THSD4: variants seen among roughly 807,000 people sequenced by gnomAD.
The protein encoded by THSD4 is thrombospondin type 1 domain containing 4.
A neutral mutation model predicts 119.0 loss-of-function variants in THSD4; 69 were observed. That is an observed-to-expected ratio of 0.58 (90% CI 0.48 to 0.71). The LOEUF is 0.71. Ranked by LOEUF, THSD4 falls within the 30% of genes least tolerant of loss-of-function variation. The pLI, the probability that THSD4 is intolerant of heterozygous loss-of-function variation, is 0.00. For missense variants in THSD4, 1,393 were observed against 1,391.1 expected (o/e 1.00, Z -0.02); for synonymous variants, 524 against 540.4 (o/e 0.97, Z 0.42).
intron 7 of THSD4, among the ~76,000 whole-genome samples, chr15:71,651,863 G>T (rs896787395): frequency 1.3e-5 from 2 of 152,162 alleles, no homozygotes; most frequent in African/African-American, 4.8e-5. Flanking sequence ...CTCTTGCAAA[G>T]GCTTAGAGGT....
chr15:71,338,394 G>A lies in THSD4; in HGVS notation c.1016-73293G>A, dbSNP rs553711577. Among the ~76,000 whole-genome samples, 6 of 152,130 alleles carry A rather than the reference G, an allele frequency of 3.9e-5. No homozygotes were observed. In the East Asian group the frequency reaches 9.7e-4, roughly 25 times the overall value. Reference sequence around the variant, plus strand: ...TTGGACCGGAGTCTGAACACTTATAGATATCAGGGAGGTTCACATTGCTCC... The same window carrying A: ...TTGGACCGGAGTCTGAACACTTATAAATATCAGGGAGGTTCACATTGCTCC... On this transcript the variant is annotated intron_variant, in intron 6 of 17. Transcript: ENST00000261862.
intron 7 of THSD4, among the ~76,000 whole-genome samples, chr15:71,544,916 C>T (rs968317763): frequency 6.6e-6 from 1 of 152,172 alleles, no homozygotes; most frequent in Non-Finnish European, 1.5e-5. Context: ...AGGACAAATA[C>T]TGTAGTGTAT....
At chr15:71,407,595 C>CG (rs1395366887) in intron 6 of THSD4, among the ~76,000 whole-genome samples, 1 of 14,748 alleles carries the variant, frequency 6.8e-5, no homozygotes, top group Non-Finnish European at 1.8e-4. Flanking sequence ...TAGTCACCAG[C>CG]ATTTTTTTTT....
intron 6 of THSD4, among the ~76,000 whole-genome samples, chr15:71,271,231 C>A (rs1474783757): frequency 6.6e-6 from 1 of 152,112 alleles, no homozygotes; most frequent in Non-Finnish European, 1.5e-5. Context: ...AAATATCCAT[C>A]AACAGGAGAC....
At chr15:71,272,396 CAAAAAAAAAAA>C (rs61293620) in intron 6 of THSD4, among the ~76,000 whole-genome samples, 2 of 55,584 alleles carry the variant, frequency 3.6e-5, no homozygotes, top group East Asian at 1.4e-3. Flanking sequence ...GACTCTGTCT[CAAAAAAAAAAA>C]AAAAAAAAAA....
At chr15:71,414,220 A>G (rs1380312980) in intron 7 of THSD4, among the ~76,000 whole-genome samples, 4 of 152,270 alleles carry the variant, frequency 2.6e-5, no homozygotes, top group African/African-American at 4.8e-5. Context: ...TCATGACCGT[A>G]TAACAGGGTT....
At chr15:71,747,966 T>G (rs988524185) in intron 13 of THSD4, among the ~76,000 whole-genome samples, 2 of 152,188 alleles carry the variant, frequency 1.3e-5, no homozygotes, top group South Asian at 4.1e-4. Context: ...TGCCATGGCG[T>G]TGGGTCCTGT....
At chr15:71,203,588 C>T (rs2043820232) in intron 3 of THSD4, among the ~76,000 whole-genome samples, 1 of 152,110 alleles carries the variant, frequency 6.6e-6, no homozygotes, top group Admixed American at 6.5e-5. Flanking sequence ...GAACCTTGAA[C>T]TCAGGAGTCA....
chr15:71,695,327 G>A (rs942502278), intron 8 of THSD4, among the ~76,000 whole-genome samples: 1 of 151,920 alleles, frequency 6.6e-6, no homozygotes, highest in Non-Finnish European at 1.5e-5. Context: ...TCCTTTTATT[G>A]TATGTGTATG....
chr15:71,421,320 C>A, intron 7 of THSD4, among the ~76,000 whole-genome samples: 1 of 95,040 alleles, frequency 1.1e-5, no homozygotes. Flanking sequence ...TAGTCTCTTT[C>A]TACTCCCTTT....
At chr15:71,293,300 T>G (rs973421771) in intron 6 of THSD4, among the ~76,000 whole-genome samples, 4 of 152,156 alleles carry the variant, frequency 2.6e-5, no homozygotes, top group African/African-American at 4.8e-5. Flanking sequence ...TCTCAGGTGG[T>G]TGGTTTTCTC....
At chr15:71,406,063 C>G (rs1009737935) in intron 6 of THSD4, among the ~76,000 whole-genome samples, 3 of 151,772 alleles carry the variant, frequency 2.0e-5, no homozygotes, top group Admixed American at 2.0e-4. Flanking sequence ...ACAGGTTACA[C>G]GCATGAGCAC....
intron 8 of THSD4, among the ~76,000 whole-genome samples, chr15:71,726,328 G>A (rs28663101): frequency 0.016 from 2,397 of 152,228 alleles, 47 homozygotes; most frequent in African/African-American, 0.056. Flanking sequence ...GATTCTACAG[G>A]CCAGAGCTCT....
In THSD4 at chr15:71,124,104, A is replaced by G. The variant is rs972392730; in HGVS notation, c.-80+8406A>G. Reference sequence around the variant, plus strand: ...GTGTTTTCAGTCTGACACCAGCACCACCATTTGACAGACTGTCAAGATTGG... The same window carrying G: ...GTGTTTTCAGTCTGACACCAGCACCGCCATTTGACAGACTGTCAAGATTGG... On this transcript the variant is annotated intron_variant, in intron 1 of 17. Coordinates refer to ENST00000261862, the MANE Select transcript of THSD4 (RefSeq NM_024817.3). 3.0e-4 allele frequency among the ~76,000 whole-genome samples: 45 copies of G among 152,084 alleles called. 1 individual carries two copies. The highest frequency in any genetic ancestry group is 2.4e-3 in the Admixed American group (37 of 15,280).
chr15:71,474,256 G>A (rs2047626661), intron 7 of THSD4, among the ~76,000 whole-genome samples: 1 of 151,772 alleles, frequency 6.6e-6, no homozygotes, highest in South Asian at 2.1e-4. Context: ...GTCTCACTCT[G>A]TCACCCAGGC....
intron 10 of THSD4, chr15:71,732,950 G>A (rs1275873297): frequency 6.6e-6 from 1 of 152,354 alleles, no homozygotes; most frequent in South Asian, 2.1e-4. Flanking sequence ...AGAACATGGG[G>A]TGGGTGTGTT....
chr15:71,432,284 C>T (rs1288493840), intron 7 of THSD4, among the ~76,000 whole-genome samples: 2 of 152,140 alleles, frequency 1.3e-5, no homozygotes, highest in East Asian at 3.8e-4. Context: ...GTTGAAAAGA[C>T]TTAATTTAGA....
At chr15:71,763,107 G>T (rs1033179100) in intron 15 of THSD4, among the ~76,000 whole-genome samples, 1 of 152,024 alleles carries the variant, frequency 6.6e-6, no homozygotes, top group African/African-American at 2.4e-5. Flanking sequence ...AAATCCCGTA[G>T]TTTTTTAATG....
At chr15:71,494,455 G>T (rs940306784) in intron 7 of THSD4, among the ~76,000 whole-genome samples, 1 of 152,058 alleles carries the variant, frequency 6.6e-6, no homozygotes, top group Admixed American at 6.5e-5. Flanking sequence ...TAGGACACTG[G>T]CTTTTAATTA....
Sources: allele counts gnomAD v4.1 joint callset (sites outside exome capture counted in the v4.1 genomes callset), GRCh38; gene constraint gnomAD v4.1.1; transcripts MANE v1.5; gene names NCBI Gene and HGNC (gene_info 2026-07-23, HGNC 2026-07-21).